Variants in SGCD observed in about 807,000 individuals in gnomAD.
SGCD encodes the protein delta-sarcoglycan.
Under a neutral mutation model 36.6 loss-of-function variants are expected in SGCD, and 18 were observed. The ratio of observed to expected loss-of-function variants is 0.49; its 90% CI spans 0.34 to 0.73. The LOEUF (loss-of-function observed/expected upper bound fraction) is 0.73, where lower values mean the gene tolerates loss of function less well. SGCD is among the 30% of genes least tolerant of loss of function. The pLI, the probability that SGCD is intolerant of heterozygous loss-of-function variation, is 0.01. For missense variants in SGCD, 387 were observed against 346.7 expected (o/e 1.12, Z -0.92); for synonymous variants, 133 against 130.6 (o/e 1.02, Z -0.12).
chr5:155,977,135 G>C (rs1223251236), intron 1 of SGCD, among the ~76,000 whole-genome samples: 1 of 152,194 alleles, frequency 6.6e-6, no homozygotes, highest in Non-Finnish European at 1.5e-5. Context: ...TGCACAGGCT[G>C]CCTCTATGCA....
intron 3 of SGCD, among the ~76,000 whole-genome samples, chr5:156,466,621 C>T (rs571569723): frequency 7.6e-4 from 115 of 152,116 alleles, no homozygotes; most frequent in Admixed American, 1.6e-3. Context: ...TGGGCTTGCA[C>T]GGATAACTTA....
At chr5:156,714,750 G>T (rs546253605) in intron 7 of SGCD, among the ~76,000 whole-genome samples, 1 of 152,290 alleles carries the variant, frequency 6.6e-6, no homozygotes, top group South Asian at 2.1e-4. Context: ...TTTCATACCT[G>T]TTTTTATTTG....
intron 3 of SGCD, among the ~76,000 whole-genome samples, chr5:156,439,013 G>A (rs1165257843): frequency 1.3e-5 from 2 of 152,130 alleles, no homozygotes; most frequent in Non-Finnish European, 2.9e-5. Context: ...ATCAGAGCAA[G>A]TACTTAAGCT....
At chr5:156,486,648 G>C (rs995442587) in intron 3 of SGCD, among the ~76,000 whole-genome samples, 1 of 152,158 alleles carries the variant, frequency 6.6e-6, no homozygotes, top group Non-Finnish European at 1.5e-5. Context: ...GCCTGCACTT[G>C]TTATACAGGG....
At chr5:156,652,509 TAC>T (rs1763499773) in intron 7 of SGCD, among the ~76,000 whole-genome samples, 1 of 143,678 alleles carries the variant, frequency 7.0e-6, no homozygotes, top group Non-Finnish European at 1.5e-5. Context: ...TATACACACA[TAC>T]ACACACACAT....
chr5:156,280,514 A>G (rs1766426178), intron 3 of SGCD, among the ~76,000 whole-genome samples: 1 of 152,182 alleles, frequency 6.6e-6, no homozygotes, highest in Non-Finnish European at 1.5e-5. Context: ...CTGGTTTTCA[A>G]GTTGACGTTT....
At chr5:156,105,454 T>C (rs539079020) in intron 1 of SGCD, among the ~76,000 whole-genome samples, 2 of 152,356 alleles carry the variant, frequency 1.3e-5, no homozygotes, top group South Asian at 4.1e-4. Flanking sequence ...TTATTGCCTT[T>C]GTAAATTTAA....
intron 1 of SGCD, among the ~76,000 whole-genome samples, chr5:155,921,625 T>TTCAAAAACA (rs1343806252): frequency 1.3e-5 from 2 of 152,044 alleles, no homozygotes; most frequent in African/African-American, 4.8e-5. Flanking sequence ...AAAACACAAA[T>TTCAAAAACA]GGGATGTGAA....
Position 155,944,944 on chromosome 5 carries a change from T to A in SGCD, c.-282+74520T>A, listed in dbSNP as rs369706162. On this transcript the variant is annotated intron_variant, in intron 1 of 9. Transcript: ENST00000517913. ...AATAATAATAATAAGGGAGTGTAAA[T>A]CTCACCATATAGATGGTGGCCCAAG... Among the ~76,000 whole-genome samples, 119 of 152,188 alleles carry A rather than the reference T, an allele frequency of 7.8e-4. 1 individual carries two copies. The highest frequency in any genetic ancestry group is 2.6e-3 in the African/African-American group (107 of 41,522).
At chr5:155,968,973 T>TG (rs1325970586) in intron 1 of SGCD, among the ~76,000 whole-genome samples, 2 of 152,174 alleles carry the variant, frequency 1.3e-5, no homozygotes, top group Non-Finnish European at 2.9e-5. Context: ...CACTATATTT[T>TG]GTAGATCTAT....
At chr5:156,370,903 G>A (rs563629196) in intron 3 of SGCD, among the ~76,000 whole-genome samples, 48 of 152,090 alleles carry the variant, frequency 3.2e-4, no homozygotes, top group Non-Finnish European at 5.9e-4. Context: ...CTAAGATTCT[G>A]TGGGAGGCTG....
chr5:156,003,696 A>G (rs924038114), intron 1 of SGCD, among the ~76,000 whole-genome samples: 1 of 152,238 alleles, frequency 6.6e-6, no homozygotes, highest in Non-Finnish European at 1.5e-5. Context: ...ACTGAAATCA[A>G]TACTACTTAA....
chr5:156,565,957 T>C (rs1759464433), intron 4 of SGCD, among the ~76,000 whole-genome samples: 1 of 152,214 alleles, frequency 6.6e-6, no homozygotes, highest in Non-Finnish European at 1.5e-5. Flanking sequence ...CTGATGGGCA[T>C]TTGAGTTAGT....
intron 3 of SGCD, among the ~76,000 whole-genome samples, chr5:156,185,540 T>A (rs1430485798): frequency 1.3e-5 from 2 of 151,822 alleles, no homozygotes; most frequent in Non-Finnish European, 1.5e-5. Context: ...ATCCTCTGTA[T>A]CCCCCTCCTT....
chr5:156,177,597 A>G (rs1357457146), intron 3 of SGCD, among the ~76,000 whole-genome samples: 1 of 152,200 alleles, frequency 6.6e-6, no homozygotes, highest in Admixed American at 6.5e-5. Context: ...TTTATATACA[A>G]TGTACTGCAT....
At chr5:156,707,679 A>G (rs1754801574) in intron 7 of SGCD, among the ~76,000 whole-genome samples, 1 of 152,208 alleles carries the variant, frequency 6.6e-6, no homozygotes, top group Non-Finnish European at 1.5e-5. Context: ...TCACTGGACA[A>G]GCCATTAATA....
chr5:156,474,621 A>G (rs565692258), intron 3 of SGCD, among the ~76,000 whole-genome samples: 1 of 152,322 alleles, frequency 6.6e-6, no homozygotes, highest in South Asian at 2.1e-4. Context: ...GTTTGAAAGG[A>G]AAACAGATTT....
chr5:155,996,708 G>T (rs1381417528), intron 1 of SGCD, among the ~76,000 whole-genome samples: 1 of 151,558 alleles, frequency 6.6e-6, no homozygotes, highest in Non-Finnish European at 1.5e-5. Context: ...GAACCTGGGA[G>T]GCAGAGGTTG....
intron 1 of SGCD, among the ~76,000 whole-genome samples, chr5:155,885,564 A>T (rs1157697227): frequency 1.9e-5 from 1 of 53,614 alleles, no homozygotes; most frequent in Non-Finnish European, 3.1e-5. Flanking sequence ...TGTGTAGCCA[A>T]TAATCTTGCA....
Sources: gnomAD v4.1 joint callset for allele counts (sites outside exome capture counted in the v4.1 genomes callset) on GRCh38, gnomAD v4.1.1 for gene constraint, MANE v1.5 for transcripts, NCBI Gene and HGNC (gene_info 2026-07-23, HGNC 2026-07-21) for gene names.